Variants in FAM135B observed in about 807,000 individuals in gnomAD.
The protein encoded by FAM135B is protein FAM135B.
In FAM135B, 43 loss-of-function variants were observed where a neutral mutation model predicts 127.7. The ratio of observed to expected loss-of-function variants is 0.34; its 90% CI spans 0.26 to 0.43. The LOEUF is 0.43. Among genes scored for constraint, FAM135B ranks in the 20% least tolerant of loss-of-function variants. The pLI, the probability that FAM135B is intolerant of heterozygous loss-of-function variation, is 1.00. For missense variants in FAM135B, 1,558 were observed against 1,725.6 expected (o/e 0.90, Z 1.72); for synonymous variants, 670 against 665.1 (o/e 1.01, Z -0.11).
chr8:138,301,040 C>T (rs1478808805), intron 3 of FAM135B, among the ~76,000 whole-genome samples: 1 of 152,102 alleles, frequency 6.6e-6, no homozygotes, highest in Non-Finnish European at 1.5e-5. Flanking sequence ...TGAGCCACTG[C>T]ACCCGGCCTT....
At chr8:138,237,172 T>TTTGTTG (rs1449861986) in intron 7 of FAM135B, among the ~76,000 whole-genome samples, 1 of 141,848 alleles carries the variant, frequency 7.0e-6, no homozygotes, top group African/African-American at 2.6e-5. Context: ...TTTTTTTTTT[T>TTTGTTG]TTGTTGGAGA....
At chr8:138,201,408 G>A (rs535501764) in intron 7 of FAM135B, among the ~76,000 whole-genome samples, 1 of 152,144 alleles carries the variant, frequency 6.6e-6, no homozygotes, top group African/African-American at 2.4e-5. Context: ...ATAATAATAA[G>A]TCAAAATGCT....
chr8:138,482,928 C>CCAT (rs1400281534), intron 1 of FAM135B, among the ~76,000 whole-genome samples: 1 of 152,036 alleles, frequency 6.6e-6, no homozygotes, highest in Non-Finnish European at 1.5e-5. Context: ...ACCCATGCAC[C>CCAT]CATCCATCCA....
At chr8:138,230,576 C>T (rs1027970607) in intron 7 of FAM135B, among the ~76,000 whole-genome samples, 1 of 152,152 alleles carries the variant, frequency 6.6e-6, no homozygotes, top group African/African-American at 2.4e-5. Flanking sequence ...CATGGTTAGA[C>T]ACAAATTCTG....
chr8:138,400,357 T>C (rs1012866366), intron 1 of FAM135B, among the ~76,000 whole-genome samples: 2 of 152,030 alleles, frequency 1.3e-5, no homozygotes, highest in African/African-American at 4.8e-5. Context: ...CTGGAATAAG[T>C]GGAGAGCAGA....
chr8:138,196,447 TTACTC>T (rs1816634556), intron 8 of FAM135B, among the ~76,000 whole-genome samples: 1 of 152,200 alleles, frequency 6.6e-6, no homozygotes, highest in African/African-American at 2.4e-5. Context: ...ACCTACTCCT[TTACTC>T]TACATACCGG....
At chr8:138,158,627 C>T (rs1158115214) in intron 12 of FAM135B, among the ~76,000 whole-genome samples, 3 of 152,094 alleles carry the variant, frequency 2.0e-5, no homozygotes, top group African/African-American at 7.2e-5. Context: ...AAAAAGTGGG[C>T]AAAGGGTATG....
rs188006154 is a variant in FAM135B, at chr8:138,226,721, C to T, written c.669+16221G>A. 2.0e-5 allele frequency among the ~76,000 whole-genome samples: 3 copies of T among 152,214 alleles called. No homozygotes were observed. The East Asian group carries it at 5.8e-4, about 29-fold the overall frequency. ...GGATTACAGGCATGCACCACCATGC[C>T]CAGCTAATTTTTATATTTTTATTAG... On this transcript the variant is annotated intron_variant, in intron 7 of 19. Transcript: ENST00000395297.
chr8:138,406,418 C>T (rs1318833022), intron 1 of FAM135B, among the ~76,000 whole-genome samples: 1 of 151,728 alleles, frequency 6.6e-6, no homozygotes, highest in Non-Finnish European at 1.5e-5. Context: ...ATGAGGCCAG[C>T]ATCATCCTGA....
At chr8:138,301,002 G>A (rs899480398) in intron 3 of FAM135B, among the ~76,000 whole-genome samples, 7 of 151,784 alleles carry the variant, frequency 4.6e-5, no homozygotes, top group African/African-American at 1.2e-4. Context: ...TGCCCACCTC[G>A]GCCTCCCAAA....
At chr8:138,356,572 C>T (rs1830103298) in intron 2 of FAM135B, among the ~76,000 whole-genome samples, 1 of 152,132 alleles carries the variant, frequency 6.6e-6, no homozygotes. Context: ...GACAGTTTCA[C>T]CCAATGATGG....
At chr8:138,165,009 G>A (rs1316280365) in intron 12 of FAM135B, among the ~76,000 whole-genome samples, 1 of 152,204 alleles carries the variant, frequency 6.6e-6, no homozygotes, top group Non-Finnish European at 1.5e-5. Context: ...GACGTGAGAG[G>A]TGGTGAGAAA....
intron 1 of FAM135B, among the ~76,000 whole-genome samples, chr8:138,410,783 G>T (rs557965272): frequency 1.3e-4 from 20 of 152,240 alleles, no homozygotes; most frequent in Non-Finnish European, 2.2e-4. Flanking sequence ...CCATTACTGG[G>T]TAAATATCTG....
chr8:138,490,255 G>C (rs1210117370), intron 1 of FAM135B, among the ~76,000 whole-genome samples: 1 of 152,136 alleles, frequency 6.6e-6, no homozygotes, highest in Non-Finnish European at 1.5e-5. Flanking sequence ...TTTTCTTTCA[G>C]ATACCAGACT....
chr8:138,454,571 C>T (rs1836671697), intron 1 of FAM135B, among the ~76,000 whole-genome samples: 1 of 152,178 alleles, frequency 6.6e-6, no homozygotes, highest in African/African-American at 2.4e-5. Flanking sequence ...AAGTGCAGAA[C>T]CAGGGCTAGT....
intron 1 of FAM135B, among the ~76,000 whole-genome samples, chr8:138,444,004 A>G (rs1371474437): frequency 6.6e-6 from 1 of 152,222 alleles, no homozygotes; most frequent in Non-Finnish European, 1.5e-5. Flanking sequence ...TTGCAATCCT[A>G]GTCTCTGATA....
intron 1 of FAM135B, among the ~76,000 whole-genome samples, chr8:138,491,988 C>T (rs1265128922): frequency 1.3e-5 from 2 of 152,074 alleles, no homozygotes; most frequent in Non-Finnish European, 2.9e-5. Flanking sequence ...GGCTGAATGT[C>T]GTGTAGGTTG....
intron 2 of FAM135B, among the ~76,000 whole-genome samples, chr8:138,365,914 C>T (rs1830701827): frequency 1.3e-5 from 2 of 152,122 alleles, no homozygotes; most frequent in South Asian, 2.1e-4. Flanking sequence ...AGGTCCTCCA[C>T]ATCAATCTGG....
At chr8:138,255,544 G>A (rs775143599) in intron 5 of FAM135B, among the ~76,000 whole-genome samples, 10 of 152,184 alleles carry the variant, frequency 6.6e-5, no homozygotes, top group Non-Finnish European at 1.3e-4. Context: ...AAACAAGAAC[G>A]AGCAGGCTTG....
Sources: gnomAD v4.1 joint callset for allele counts (sites outside exome capture counted in the v4.1 genomes callset) on GRCh38, gnomAD v4.1.1 for gene constraint, MANE v1.5 for transcripts, NCBI Gene and HGNC (gene_info 2026-07-23, HGNC 2026-07-21) for gene names.